The following CDC42BPA variants were observed in gnomAD, a reference collection of about 807,000 sequenced individuals.
CDC42BPA encodes serine/threonine-protein kinase MRCK alpha.
In CDC42BPA, 80 loss-of-function variants were observed where a neutral mutation model predicts 223.5. That is an observed-to-expected ratio of 0.36 (90% CI 0.30 to 0.43). The LOEUF (loss-of-function observed/expected upper bound fraction) is 0.43. Among genes scored for constraint, CDC42BPA ranks in the 20% least tolerant of loss-of-function variants. The pLI is 1.00. For synonymous variants in CDC42BPA, 694 were observed against 718.6 expected (o/e 0.97, Z 0.55); for missense variants, 1,743 against 2,099.9 (o/e 0.83, Z 3.32).
intron 6 of CDC42BPA, among the ~76,000 whole-genome samples, chr1:227,152,939 T>A: frequency 6.6e-6 from 1 of 151,868 alleles, no homozygotes. Flanking sequence ...CAATTAAATA[T>A]ATCCTCATGC....
At chr1:227,164,239 A>G (rs999737982) in intron 5 of CDC42BPA, among the ~76,000 whole-genome samples, 3 of 152,158 alleles carry the variant, frequency 2.0e-5, no homozygotes, top group African/African-American at 4.8e-5. Context: ...CTATCGGCAG[A>G]GCATATTTTT....
chr1:227,010,814 A>G, intron 34 of CDC42BPA: 1 of 1,028,270 alleles, frequency 9.7e-7, no homozygotes, highest in Non-Finnish European at 1.3e-6. Context: ...TTACTTATTA[A>G]GCCAGGCAAA....
chr1:227,160,442 G>A (rs1266171998), intron 6 of CDC42BPA, 101 bp downstream of exon 6: 1 of 799,688 alleles, frequency 1.3e-6, no homozygotes, highest in Non-Finnish European at 2.2e-6. Flanking sequence ...ATGGATGGAT[G>A]GGTAGATAGT....
intron 1 of CDC42BPA, among the ~76,000 whole-genome samples, chr1:227,311,501 A>G (rs1450402006): frequency 6.6e-6 from 1 of 152,186 alleles, no homozygotes; most frequent in African/African-American, 2.4e-5. Flanking sequence ...AAGTGATGAG[A>G]AGCTAAAACC....
chr1:227,133,544 T>C (rs569978868), intron 10 of CDC42BPA, among the ~76,000 whole-genome samples: 9 of 152,306 alleles, frequency 5.9e-5, no homozygotes, highest in South Asian at 2.1e-4. Context: ...GGGGAAAAGA[T>C]TGAGAAATCG....
At chr1:227,078,177 T>G (rs1679895748) in intron 17 of CDC42BPA, among the ~76,000 whole-genome samples, 1 of 152,156 alleles carries the variant, frequency 6.6e-6, no homozygotes, top group South Asian at 2.1e-4. Context: ...TTTACTAAAC[T>G]CAGGGTTTTC....
At position 227,251,362 on chromosome 1, in the gene CDC42BPA, A is replaced by G. The variant is rs184075990; in HGVS notation, c.270+2702T>C. On this transcript the variant is annotated intron_variant, in intron 2 of 36. Transcript: ENST00000366766. ...TGGGAGGTATGATTTAAAATATTCC[A>G]TTAATCGAAGAAGAAGCAAGAAATG... 1.9e-3 allele frequency among the ~76,000 whole-genome samples: 284 copies of G among 152,264 alleles called. 2 individuals carry two copies. The highest frequency in any genetic ancestry group is 2.6e-3 in the Non-Finnish European group (175 of 67,984).
At chr1:227,004,164 C>T (rs1004451615) in intron 35 of CDC42BPA, 1 of 151,996 alleles carries the variant, frequency 6.6e-6, no homozygotes, top group Non-Finnish European at 1.5e-5. Flanking sequence ...ATACTAAGGC[C>T]CTAGCAGGAA....
chr1:227,164,245 T>C (rs1237472850), intron 5 of CDC42BPA, among the ~76,000 whole-genome samples: 1 of 152,168 alleles, frequency 6.6e-6, no homozygotes, highest in East Asian at 1.9e-4. Context: ...GCAGAGCATA[T>C]TTTTTAATTG....
intron 6 of CDC42BPA, among the ~76,000 whole-genome samples, chr1:227,149,501 GAAC>G (rs1426186655): frequency 2.6e-5 from 4 of 152,052 alleles, no homozygotes; most frequent in South Asian, 2.1e-4. Flanking sequence ...CCAACAAACA[GAAC>G]AATAGATCCC....
intron 1 of CDC42BPA, among the ~76,000 whole-genome samples, chr1:227,316,704 T>C (rs1168248636): frequency 6.6e-6 from 1 of 152,170 alleles, no homozygotes; most frequent in Admixed American, 6.5e-5. Flanking sequence ...TAACCAATAA[T>C]CCACTTTTGC....
intron 1 of CDC42BPA, among the ~76,000 whole-genome samples, chr1:227,278,024 CA>C (rs1687410581): frequency 6.6e-6 from 1 of 152,264 alleles, no homozygotes; most frequent in South Asian, 2.1e-4. Flanking sequence ...GCTGGGATTA[CA>C]GGCGTGAGCC....
intron 21 of CDC42BPA, among the ~76,000 whole-genome samples, chr1:227,055,144 G>C (rs1203432331): frequency 6.6e-6 from 1 of 151,772 alleles, no homozygotes; most frequent in East Asian, 1.9e-4. Flanking sequence ...TGGTAAAGGT[G>C]AATAAACTCA....
chr1:227,028,553 T>C, intron 30 of CDC42BPA, 104 bp downstream of exon 30: 3 of 776,508 alleles, frequency 3.9e-6, no homozygotes, highest in Non-Finnish European at 6.0e-6. Context: ...GAATGACTTT[T>C]TTAAAAAACT....
intron 1 of CDC42BPA, among the ~76,000 whole-genome samples, chr1:227,259,252 G>A (rs116619974): frequency 0.011 from 1,732 of 151,026 alleles, 130 homozygotes; most frequent in African/African-American, 0.04. Flanking sequence ...TCTGACCTAA[G>A]CTGGGGGACA....
At chr1:227,241,052 G>A (rs576922942) in intron 2 of CDC42BPA, among the ~76,000 whole-genome samples, 1 of 152,040 alleles carries the variant, frequency 6.6e-6, no homozygotes, top group Admixed American at 6.6e-5. Context: ...CAAAAAATTT[G>A]AACATATACC....
intron 17 of CDC42BPA, among the ~76,000 whole-genome samples, chr1:227,076,994 A>C (rs1679625447): frequency 6.6e-6 from 1 of 152,228 alleles, no homozygotes; most frequent in African/African-American, 2.4e-5. Context: ...AGGCCAACTT[A>C]GATCTATGTG....
chr1:227,016,487 C>T (rs548606740), intron 33 of CDC42BPA, among the ~76,000 whole-genome samples: 4 of 152,186 alleles, frequency 2.6e-5, no homozygotes, highest in African/African-American at 9.6e-5. Flanking sequence ...TTTTATGTAT[C>T]TCTTTAAAAA....
At chr1:227,088,369 G>A (rs1018702727) in intron 16 of CDC42BPA, among the ~76,000 whole-genome samples, 9 of 152,076 alleles carry the variant, frequency 5.9e-5, no homozygotes, top group Admixed American at 5.9e-4. Flanking sequence ...TGACACATTT[G>A]ACTTATAAGA....
Sources: allele counts gnomAD v4.1 joint callset (sites outside exome capture counted in the v4.1 genomes callset), GRCh38; gene constraint gnomAD v4.1.1; transcripts MANE v1.5; gene names NCBI Gene and HGNC (gene_info 2026-07-23, HGNC 2026-07-21).